The following TENM2 variants were observed in gnomAD, a reference collection of about 807,000 sequenced individuals.
The protein encoded by TENM2 is teneurin-2.
A neutral mutation model predicts 245.2 loss-of-function variants in TENM2; 52 were observed. The observed-to-expected ratio is 0.21, with a 90% CI of 0.17 to 0.27. The LOEUF is 0.27. TENM2 is among the 10% of genes least tolerant of loss of function. The pLI, the probability that TENM2 is intolerant of heterozygous loss-of-function variation, is 1.00. For missense variants in TENM2, 3,046 were observed against 3,666.8 expected, an observed-to-expected ratio of 0.83 and a Z score of 4.37; for synonymous variants, 1,363 against 1,438.9, an observed-to-expected ratio of 0.95 and a Z score of 1.19.
At chr5:167,278,335 T>C in the TENM2 span, among the ~76,000 whole-genome samples, 3 of 152,184 alleles carry the variant, frequency 2.0e-5, no homozygotes, top group Non-Finnish European at 4.4e-5. Flanking sequence ...ACTTTCTTAT[T>C]GACACCATAG....
chr5:167,780,388 C>T (rs1026227811), intron 2 of TENM2, among the ~76,000 whole-genome samples: 24 of 152,202 alleles, frequency 1.6e-4, no homozygotes, highest in African/African-American at 3.6e-4. Flanking sequence ...TGGAGCCAAA[C>T]AAGGCAACAC....
intron 2 of TENM2, among the ~76,000 whole-genome samples, chr5:167,507,549 C>A (rs757240353): frequency 6.6e-6 from 1 of 152,098 alleles, no homozygotes; most frequent in Admixed American, 6.6e-5. Context: ...ACCTTCAATT[C>A]GAGATGAATG....
chr5:167,665,553 T>C (rs1268192713), intron 2 of TENM2, among the ~76,000 whole-genome samples: 1 of 152,176 alleles, frequency 6.6e-6, no homozygotes, highest in East Asian at 1.9e-4. Flanking sequence ...TATCTTTGGA[T>C]GTGCTGTTGT....
intron 2 of TENM2, among the ~76,000 whole-genome samples, chr5:167,385,583 GTGAGATTT>G (rs1368219479): frequency 1.3e-5 from 2 of 150,392 alleles, no homozygotes; most frequent in Non-Finnish European, 3.0e-5. Context: ...AGTGGTGATT[GTGAGATTT>G]TGGAGCACCC....
chr5:167,437,896 C>T (rs1219241248), intron 2 of TENM2, among the ~76,000 whole-genome samples: 1 of 152,184 alleles, frequency 6.6e-6, no homozygotes, highest in Non-Finnish European at 1.5e-5. Context: ...AAACCTCTTT[C>T]TTTTGTAAAT....
At position 167,970,101 on chromosome 5, in the gene TENM2, G is replaced by A. The variant is rs141620775; in HGVS notation, c.947+17279G>A. 1.1e-4 allele frequency among the ~76,000 whole-genome samples: 16 copies of A among 152,336 alleles called. 1 individual carries two copies. The highest frequency in any genetic ancestry group is 2.1e-4 in the Non-Finnish European group (14 of 68,022). ...TTCTCCTCCAGGCAGACACAGTCCC[G>A]GCCAGGGTGGGGAAATTGCAGGACA... is the stretch of plus-strand genomic sequence containing the variant. On this transcript the variant is annotated intron_variant, in intron 4 of 28. Coordinates refer to ENST00000518659, the Ensembl canonical transcript of TENM2.
chr5:168,009,011 G>A (rs746746756), intron 5 of TENM2, among the ~76,000 whole-genome samples: 1 of 152,166 alleles, frequency 6.6e-6, no homozygotes, highest in Non-Finnish European at 1.5e-5. Flanking sequence ...AGAGAAAAAG[G>A]AGAGCAGAAT....
the TENM2 span, among the ~76,000 whole-genome samples, chr5:167,212,387 A>G: frequency 3.4e-3 from 513 of 152,314 alleles, 4 homozygotes; most frequent in African/African-American, 0.012. Context: ...CAGAAAATAA[A>G]TGTGCCGCAC....
Position 168,218,584 on chromosome 5 carries a change from A to G in TENM2, c.4693A>G (p.Ile1565Val). The change falls in exon 23 of 29, where the codon ATT becomes GTT. Residue 1565 changes from isoleucine (I) to valine (V), a missense_variant. Around this residue, in one of 2 missense-constraint regions of TENM2, gnomAD observed 2,704 missense variants for 3,331.9 expected, o/e 0.81. Coordinates refer to ENST00000518659, the Ensembl canonical transcript of TENM2. This position sits in a 1 kb window ranked among gnomAD's most constrained non-coding sequence, Gnocchi z 5.2. ...CATTTACATTGCAGACCTTGGAAAT[A>G]TTCGGATCAGGGCGGTCAGCAAGAA... 6.2e-7 allele frequency: 1 copy of G among 1,614,036 alleles called. No individual in the cohort carries two copies. The highest frequency in any genetic ancestry group is 8.5e-7 in the Non-Finnish European group (1 of 1,179,896).
At chr5:167,302,828 A>G (rs1387051936) in intron 1 of TENM2, among the ~76,000 whole-genome samples, 1 of 152,118 alleles carries the variant, frequency 6.6e-6, no homozygotes, top group African/African-American at 2.4e-5. Context: ...CTAAGGGTGA[A>G]GGACCAAGGC....
chr5:167,252,456 A>G, the TENM2 span, among the ~76,000 whole-genome samples: 149 of 152,098 alleles, frequency 9.8e-4, no homozygotes, highest in African/African-American at 3.5e-3. Context: ...CATTTGGGGG[A>G]AGAAGGAGTC....
At chr5:167,984,018 G>T (rs1462921567) in intron 4 of TENM2, among the ~76,000 whole-genome samples, 1 of 152,150 alleles carries the variant, frequency 6.6e-6, no homozygotes, top group African/African-American at 2.4e-5. Context: ...CAATCTCAAT[G>T]CTAAGCATTT....
At chr5:166,983,461 T>G in the TENM2 span, among the ~76,000 whole-genome samples, 1 of 152,160 alleles carries the variant, frequency 6.6e-6, no homozygotes, top group African/African-American at 2.4e-5. Context: ...TACAGTAATG[T>G]GCTTTTCGAA....
the TENM2 span, among the ~76,000 whole-genome samples, chr5:167,177,614 C>A: frequency 1.3e-5 from 2 of 152,022 alleles, no homozygotes; most frequent in African/African-American, 4.8e-5. Context: ...GGATGGGTGT[C>A]AAGACTCAGA....
At chr5:167,933,451 A>T (rs1325623207) in intron 3 of TENM2, among the ~76,000 whole-genome samples, 1 of 152,148 alleles carries the variant, frequency 6.6e-6, no homozygotes, top group Non-Finnish European at 1.5e-5. Flanking sequence ...TGCATAGTAC[A>T]ATATGTTTTC....
the TENM2 span, among the ~76,000 whole-genome samples, chr5:167,022,462 T>C: frequency 2.0e-5 from 3 of 152,218 alleles, no homozygotes. Flanking sequence ...CCATACAATG[T>C]CTAGGCCATA....
At chr5:167,592,889 A>C (rs915446524) in intron 2 of TENM2, among the ~76,000 whole-genome samples, 6 of 152,124 alleles carry the variant, frequency 3.9e-5, no homozygotes, top group Non-Finnish European at 8.8e-5. Flanking sequence ...TATAGATTCC[A>C]GTATTTTTCT....
intron 2 of TENM2, among the ~76,000 whole-genome samples, chr5:167,532,778 A>G (rs1382479188): frequency 6.9e-6 from 1 of 145,830 alleles, no homozygotes; most frequent in Non-Finnish European, 1.5e-5. Flanking sequence ...ATATACACAT[A>G]TATATACACA....
At chr5:166,984,643 T>G in the TENM2 span, among the ~76,000 whole-genome samples, 1 of 152,120 alleles carries the variant, frequency 6.6e-6, no homozygotes, top group Non-Finnish European at 1.5e-5. Context: ...TTGGAAATAG[T>G]CAAGTTAGGT....
Sources: allele counts gnomAD v4.1 joint callset (sites outside exome capture counted in the v4.1 genomes callset), GRCh38; gene constraint gnomAD v4.1.1; regional missense constraint gnomAD v4.1.1; non-coding constraint Gnocchi (gnomAD v3.1); transcripts MANE v1.5; gene names NCBI Gene and HGNC (gene_info 2026-07-23, HGNC 2026-07-21).